Variants in CSGALNACT1 observed in about 807,000 individuals in gnomAD.
The protein encoded by CSGALNACT1 is beta4GalNAcT-1.
Under a neutral mutation model 51.0 loss-of-function variants are expected in CSGALNACT1, and 52 were observed. The ratio of observed to expected loss-of-function variants is 1.02; its 90% CI spans 0.82 to 1.29. The LOEUF is 1.29. Among genes scored for constraint, CSGALNACT1 ranks in the 50% most tolerant of loss-of-function variants. The probability of loss-of-function intolerance (pLI) is 0.00; values close to 1 mark genes in which losing one functional copy is unlikely to be tolerated. For missense variants in CSGALNACT1, 935 were observed against 679.2 expected, an observed-to-expected ratio of 1.38 and a Z score of -4.19; for synonymous variants, 341 against 254.4, an observed-to-expected ratio of 1.34 and a Z score of -3.24.
chr8:19,603,501 C>A (rs899659946), upstream of CSGALNACT1, among the ~76,000 whole-genome samples: 3 of 152,184 alleles, frequency 2.0e-5, no homozygotes, highest in Non-Finnish European at 2.9e-5. Flanking sequence ...TATGTCTACA[C>A]CAAATTGCAG....
At chr8:19,428,966 G>A (rs1247358927) in intron 6 of CSGALNACT1, among the ~76,000 whole-genome samples, 1 of 151,418 alleles carries the variant, frequency 6.6e-6, no homozygotes, top group Non-Finnish European at 1.5e-5. Context: ...GTGTCATTTA[G>A]TACATTCGCG....
At chr8:19,741,126 G>C (rs2064286189) in intron 1 of CSGALNACT1, among the ~76,000 whole-genome samples, 1 of 152,206 alleles carries the variant, frequency 6.6e-6, no homozygotes, top group Non-Finnish European at 1.5e-5. Context: ...TACAGTGGCA[G>C]TCCAGTGGCA....
chr8:19,488,361 TTATATATACA>T (rs2073513291), intron 4 of CSGALNACT1, among the ~76,000 whole-genome samples: 2 of 89,832 alleles, frequency 2.2e-5, no homozygotes, highest in Non-Finnish European at 4.5e-5. Flanking sequence ...TTATATATAT[TTATATATACA>T]TATATATATA....
chr8:19,672,568 A>G (rs1314198972), intron 1 of CSGALNACT1, among the ~76,000 whole-genome samples: 1 of 152,264 alleles, frequency 6.6e-6, no homozygotes, highest in Non-Finnish European at 1.5e-5. Flanking sequence ...ACTATCTAAT[A>G]TAAATGCTTA....
intron 1 of CSGALNACT1, among the ~76,000 whole-genome samples, chr8:19,723,690 G>A (rs540363782): frequency 1.3e-5 from 2 of 152,260 alleles, no homozygotes; most frequent in East Asian, 1.9e-4. Context: ...TTTGGAAAAA[G>A]TGCCTCCTTT....
At chr8:19,601,539 G>A (rs1160857271) in intron 2 of CSGALNACT1, among the ~76,000 whole-genome samples, 1 of 152,204 alleles carries the variant, frequency 6.6e-6, no homozygotes, top group Non-Finnish European at 1.5e-5. Context: ...AGTTGGGAAA[G>A]TTAGATGTAG....
In CSGALNACT1 at chr8:19,667,026, AGGAAGG is replaced by A. The variant is rs1564386696; in HGVS notation, c.-544+15441_-544+15446del. Among the ~76,000 whole-genome samples, 14 of 38,498 alleles carry A rather than the reference AGGAAGG, an allele frequency of 3.6e-4. 3 individuals carry two copies. The highest frequency in any genetic ancestry group is 1.5e-3 in the African/African-American group (8 of 5,346). 25.3% of individuals were successfully genotyped at this position (38,498 alleles called of 152,430 possible). ...AAGAAAGAAAGAAAGAAAGGAAGGA[AGGAAGG>A]AAGGAAGGAAGAAAGAAAGAAAGAA... On this transcript the variant is annotated intron_variant, in intron 1 of 9. Transcript: ENST00000332246.
At chr8:19,491,482 A>C (rs2074348850) in intron 4 of CSGALNACT1, among the ~76,000 whole-genome samples, 1 of 152,214 alleles carries the variant, frequency 6.6e-6, no homozygotes, top group South Asian at 2.1e-4. Flanking sequence ...ACTAAATATA[A>C]ATTTTCATTT....
intron 1 of CSGALNACT1, among the ~76,000 whole-genome samples, chr8:19,675,479 C>G (rs182640278): frequency 6.6e-6 from 1 of 152,174 alleles, no homozygotes; most frequent in Admixed American, 6.5e-5. Flanking sequence ...GAGAGATCCT[C>G]TAATTCTTCT....
At chr8:19,466,095 C>T (rs2066606197) in intron 4 of CSGALNACT1, among the ~76,000 whole-genome samples, 1 of 152,080 alleles carries the variant, frequency 6.6e-6, no homozygotes, top group Admixed American at 6.6e-5. Flanking sequence ...GTTCCAATCT[C>T]CAACACACTG....
chr8:19,575,849 A>G (rs2044084209), intron 3 of CSGALNACT1, among the ~76,000 whole-genome samples: 1 of 152,220 alleles, frequency 6.6e-6, no homozygotes, highest in Non-Finnish European at 1.5e-5. Context: ...TTAATCATCA[A>G]TGAAGTTGAG....
intron 4 of CSGALNACT1, among the ~76,000 whole-genome samples, chr8:19,490,878 A>C (rs2074217684): frequency 6.6e-6 from 1 of 152,166 alleles, no homozygotes. Context: ...GGCAGCAGGA[A>C]GGAAGTCCCC....
At chr8:19,550,995 C>T (rs1226455630) in intron 3 of CSGALNACT1, among the ~76,000 whole-genome samples, 1 of 152,190 alleles carries the variant, frequency 6.6e-6, no homozygotes, top group Non-Finnish European at 1.5e-5. Context: ...CTTATTCTGA[C>T]TTCCCAGCAA....
intron 3 of CSGALNACT1, among the ~76,000 whole-genome samples, chr8:19,567,273 C>T: frequency 6.6e-6 from 1 of 152,194 alleles, no homozygotes; most frequent in Non-Finnish European, 1.5e-5. Context: ...ACTTAGGTGA[C>T]TGTAAACGTC....
intron 1 of CSGALNACT1, among the ~76,000 whole-genome samples, chr8:19,635,592 A>C (rs528169412): frequency 7.2e-5 from 11 of 152,132 alleles, no homozygotes; most frequent in Non-Finnish European, 1.3e-4. Flanking sequence ...TCCCCTCACC[A>C]TTCACAGGCA....
chr8:19,538,950 C>T (rs1288563124), intron 3 of CSGALNACT1, among the ~76,000 whole-genome samples: 1 of 152,148 alleles, frequency 6.6e-6, no homozygotes, highest in South Asian at 2.1e-4. Flanking sequence ...GGCTCCTTCT[C>T]TTCTGTTAGG....
At chr8:19,500,565 T>C (rs1456402106) in intron 4 of CSGALNACT1, among the ~76,000 whole-genome samples, 1 of 152,170 alleles carries the variant, frequency 6.6e-6, no homozygotes, top group East Asian at 1.9e-4. Context: ...TCTATTTGAC[T>C]CATCCAGAGA....
At chr8:19,706,855 G>A (rs1478342163) in intron 1 of CSGALNACT1, among the ~76,000 whole-genome samples, 1 of 152,120 alleles carries the variant, frequency 6.6e-6, no homozygotes, top group Non-Finnish European at 1.5e-5. Context: ...TTGAACTCAT[G>A]TCCTCAAGTG....
chr8:19,718,535 CT>C (rs748349013), intron 1 of CSGALNACT1, among the ~76,000 whole-genome samples: 1 of 152,320 alleles, frequency 6.6e-6, no homozygotes, highest in African/African-American at 2.4e-5. Context: ...AACACATTCT[CT>C]TTTCTTTTTT....
Sources: allele counts gnomAD v4.1 joint callset (sites outside exome capture counted in the v4.1 genomes callset), GRCh38; gene constraint gnomAD v4.1.1; transcripts MANE v1.5; gene names NCBI Gene and HGNC (gene_info 2026-07-23, HGNC 2026-07-21).